The following AHCTF1 variants were observed in gnomAD, a reference collection of about 807,000 sequenced individuals.
The protein encoded by AHCTF1 is AT-hook containing transcription factor 1.
Under a neutral mutation model 248.4 loss-of-function variants are expected in AHCTF1, and 24 were observed. That is an observed-to-expected ratio of 0.10 (90% confidence interval 0.07 to 0.14). AHCTF1 has a LOEUF of 0.14. AHCTF1 is among the 10% of genes least tolerant of loss of function. The pLI is 1.00. For synonymous variants in AHCTF1, 786 were observed against 929.8 expected, an observed-to-expected ratio of 0.85 and a Z score of 2.81; for missense variants, 2,206 against 2,636.2, an observed-to-expected ratio of 0.84 and a Z score of 3.57.
chr1:246,901,342 A>G (rs759255909), intron 8 of AHCTF1, among the ~76,000 whole-genome samples: 1 of 151,696 alleles, frequency 6.6e-6, no homozygotes, highest in African/African-American at 2.4e-5. Context: ...CTGTCTCTAA[A>G]AAAACAAAAA....
intron 28 of AHCTF1, 47 bp downstream of exon 28, chr1:246,861,912 C>A: frequency 1.3e-6 from 2 of 1,499,996 alleles, no homozygotes; most frequent in Non-Finnish European, 1.8e-6. Context: ...AGAGCTAATA[C>A]ATTCTTATTA....
intron 14 of AHCTF1, among the ~76,000 whole-genome samples, chr1:246,893,100 AAAG>A (rs1186110123): frequency 6.6e-6 from 1 of 152,198 alleles, no homozygotes; most frequent in African/African-American, 2.4e-5. Context: ...CATTATTCTC[AAAG>A]AATAACAAAA....
rs1251631357 is a variant in AHCTF1 at position 246,861,070 on chromosome 1, A to G, written c.3961T>C (p.Tyr1321His). The change falls in exon 29 of 36, where the codon TAT becomes CAT. Residue 1321 changes from tyrosine (Y) to histidine (H), a missense_variant. Physicochemically the swap from Tyr to His is moderately conservative, Grantham distance 83 (BLOSUM62 2). Coordinates refer to ENST00000648844, the MANE Select transcript of AHCTF1 (RefSeq NM_001323342.2). ...TCTTCCGGTGACGGTGCATCCTGAT[A>G]CTCTAAGGTAGTCTCATCGGATGTG... Reference protein sequence around the residue: ...SITSDETTLEYQDAPSPEDLE... With the variant: ...SITSDETTLEHQDAPSPEDLE... The G allele has an allele frequency of 6.2e-7, 1 of 1,613,952 alleles. No homozygotes were observed. Among genetic ancestry groups the G allele is most frequent in the Admixed American group, 1.7e-5 (1 of 60,016 alleles).
chr1:246,931,210 C>G, intron 1 of AHCTF1: 1 of 1,550,280 alleles, frequency 6.5e-7, no homozygotes, highest in East Asian at 2.4e-5. Context: ...CGGGGAAAGG[C>G]CCGCCAACGA....
rs570794200 is a variant in AHCTF1 at position 246,930,434 on chromosome 1, T to G, written c.-8+1144A>C. ...TCACAGTACAGAGACAACGTAGACT[T>G]CCCATAGCGCTTGGCACACTTAAAA... On this transcript the variant is annotated intron_variant, in intron 1 of 35. Transcript: ENST00000648844. Among the ~76,000 whole-genome samples, 86 of 152,210 alleles carry G rather than the reference T, an allele frequency of 5.7e-4. No individual in the cohort carries two copies. In the South Asian group the frequency reaches 0.017, roughly 30 times the overall value.
chr1:246,848,831 C>CA (rs761052117), intron 33 of AHCTF1, among the ~76,000 whole-genome samples: 12 of 145,764 alleles, frequency 8.2e-5, no homozygotes, highest in East Asian at 2.1e-4. Flanking sequence ...GCCTGGGCGA[C>CA]AGAGTGAGAC....
chr1:246,911,616 T>C (rs1340184742), intron 4 of AHCTF1, among the ~76,000 whole-genome samples: 1 of 151,548 alleles, frequency 6.6e-6, no homozygotes, highest in Non-Finnish European at 1.5e-5. Context: ...CCTGAGTAGC[T>C]GGGATTAGAG....
At chr1:246,925,215 G>T (rs899262165) in intron 1 of AHCTF1, among the ~76,000 whole-genome samples, 1 of 152,162 alleles carries the variant, frequency 6.6e-6, no homozygotes, top group Non-Finnish European at 1.5e-5. Flanking sequence ...GTATTCAGAA[G>T]AGTGCTAATG....
Position 246,899,466 on chromosome 1 carries a change from A to C in AHCTF1, c.1479T>G (p.Thr493=), listed in dbSNP as rs1260635487. Residue 493 remains threonine (T), a synonymous_variant, in exon 11 of 36, where the codon ACT becomes ACG. Coordinates refer to ENST00000648844, the MANE Select transcript of AHCTF1 (RefSeq NM_001323342.2). ...TGTTACCTACCTCCTTCTGAAAGCCAGTACAAGTTAAATGAACAACTCCCG... is the reference window on the plus strand; with the variant it reads ...TGTTACCTACCTCCTTCTGAAAGCCCGTACAAGTTAAATGAACAACTCCCG... ...LNSGVVHLTC[T]GFQKETLTFL... 30 of 1,608,772 alleles carry C rather than the reference A, an allele frequency of 1.9e-5. No homozygotes were observed. The highest frequency in any genetic ancestry group is 2.5e-5 in the Non-Finnish European group (29 of 1,178,178).
At chr1:246,867,578 G>C (rs920010800) in intron 25 of AHCTF1, 83 bp downstream of exon 25, 173 of 1,498,662 alleles carry the variant, frequency 1.2e-4, no homozygotes, top group Non-Finnish European at 1.5e-4. Flanking sequence ...CTTAGGCAAA[G>C]AGAGTGGATT....
chr1:246,892,300 ACTTTTTT>A (rs1664260337), intron 14 of AHCTF1, among the ~76,000 whole-genome samples: 1 of 76,728 alleles, frequency 1.3e-5, no homozygotes, highest in African/African-American at 5.0e-5. Flanking sequence ...AATTTGTTTT[ACTTTTTT>A]TTTTTTTTTT....
At chr1:246,847,309 A>AC (rs111824048) in intron 33 of AHCTF1, among the ~76,000 whole-genome samples, 1,779 of 151,038 alleles carry the variant, frequency 0.012, 31 homozygotes, top group African/African-American at 0.035. Context: ...AAACAAACAA[A>AC]AAAAAAACTG....
chr1:246,899,814 G>T (rs1407264607), intron 10 of AHCTF1, among the ~76,000 whole-genome samples: 1 of 151,912 alleles, frequency 6.6e-6, no homozygotes, highest in Admixed American at 6.6e-5. Flanking sequence ...ATCTTTCCTA[G>T]CAAGTTCAAA....
intron 14 of AHCTF1, among the ~76,000 whole-genome samples, chr1:246,892,138 T>C (rs554336031): frequency 5.3e-5 from 8 of 152,158 alleles, no homozygotes; most frequent in Non-Finnish European, 1.2e-4. Flanking sequence ...TGAACTCAAA[T>C]CATCTATATC....
At chr1:246,858,457 G>C (rs1214827414) in intron 29 of AHCTF1, among the ~76,000 whole-genome samples, 1 of 152,180 alleles carries the variant, frequency 6.6e-6, no homozygotes, top group Non-Finnish European at 1.5e-5. Context: ...CGCATACTCA[G>C]TAAGTAGCTG....
intron 6 of AHCTF1, 113 bp downstream of exon 6, chr1:246,905,428 C>T (rs1456829436): frequency 1.5e-5 from 11 of 739,314 alleles, no homozygotes; most frequent in African/African-American, 1.2e-4. Context: ...ATCCGGGAGG[C>T]GGAGGTTGCA....
chr1:246,908,380 A>T (rs1241827969), intron 4 of AHCTF1, among the ~76,000 whole-genome samples: 3 of 151,714 alleles, frequency 2.0e-5, no homozygotes, highest in Non-Finnish European at 4.4e-5. Flanking sequence ...CCCCACCTAC[A>T]AAAGACCTTA....
intron 21 of AHCTF1, among the ~76,000 whole-genome samples, chr1:246,884,314 C>G (rs1663658918): frequency 6.9e-6 from 1 of 144,996 alleles, no homozygotes; most frequent in Non-Finnish European, 1.5e-5. Context: ...TCTAATCAAT[C>G]TATTATTAAA....
intron 33 of AHCTF1, 77 bp downstream of exon 33, chr1:246,849,538 T>C: frequency 6.6e-7 from 1 of 1,515,366 alleles, no homozygotes; most frequent in South Asian, 1.4e-5. Context: ...TATAAAACCA[T>C]TTTTAGGACA....
Sources: gnomAD v4.1 joint callset for allele counts (sites outside exome capture counted in the v4.1 genomes callset) on GRCh38, gnomAD v4.1.1 for gene constraint, MANE v1.5 for transcripts, NCBI Gene and HGNC (gene_info 2026-07-23, HGNC 2026-07-21) for gene names.